Variants in ROBO2 observed in about 807,000 individuals in gnomAD.
The protein encoded by ROBO2 is roundabout homolog 2.
A neutral mutation model predicts 160.8 loss-of-function variants in ROBO2; 53 were observed. The observed-to-expected ratio is 0.33, with a 90% CI of 0.26 to 0.41. ROBO2 has a LOEUF of 0.41. ROBO2 is among the 10% of genes least tolerant of loss of function. ROBO2 has a pLI of 1.00. For missense variants in ROBO2, 1,577 were observed against 1,722.4 expected (o/e 0.92, Z 1.49); for synonymous variants, 664 against 611.7 (o/e 1.09, Z -1.26).
chr3:76,172,878 A>C (rs2073095310), intron 2 of ROBO2, among the ~76,000 whole-genome samples: 1 of 152,146 alleles, frequency 6.6e-6, no homozygotes, highest in Admixed American at 6.6e-5. Flanking sequence ...GACCACCTGA[A>C]TTAATGTGCA....
intron 2 of ROBO2, among the ~76,000 whole-genome samples, chr3:76,591,006 G>A (rs1327025288): frequency 1.3e-5 from 2 of 151,998 alleles, no homozygotes; most frequent in African/African-American, 4.8e-5. Flanking sequence ...TTTATTTTAA[G>A]TAACATGAGG....
At chr3:76,501,695 A>G (rs1403098798) in intron 2 of ROBO2, among the ~76,000 whole-genome samples, 2 of 152,178 alleles carry the variant, frequency 1.3e-5, no homozygotes, top group African/African-American at 4.8e-5. Context: ...CCTACACTGT[A>G]TTTTCTCTTA....
At chr3:76,937,085 G>T (rs2077752949) in intron 2 of ROBO2, among the ~76,000 whole-genome samples, 1 of 152,068 alleles carries the variant, frequency 6.6e-6, no homozygotes, top group Non-Finnish European at 1.5e-5. Flanking sequence ...TTTCTTGCTT[G>T]TACTTAGTAA....
intron 2 of ROBO2, among the ~76,000 whole-genome samples, chr3:77,429,151 C>A (rs896175848): frequency 2.0e-5 from 3 of 152,132 alleles, no homozygotes; most frequent in African/African-American, 7.2e-5. Context: ...TATTTATATC[C>A]AAAGTGTGCA....
At chr3:76,797,800 C>CA (rs548366591) in intron 2 of ROBO2, among the ~76,000 whole-genome samples, 15 of 150,978 alleles carry the variant, frequency 9.9e-5, no homozygotes, top group Non-Finnish European at 1.6e-4. Flanking sequence ...AACTATATGG[C>CA]AAAAAAAATT....
intron 5 of ROBO2, among the ~76,000 whole-genome samples, chr3:77,506,987 A>G (rs2088631688): frequency 6.6e-6 from 1 of 152,138 alleles, no homozygotes; most frequent in Admixed American, 6.6e-5. Context: ...AGATGAATGT[A>G]TATTTTTGCA....
chr3:76,290,728 G>A (rs1273209608), intron 2 of ROBO2, among the ~76,000 whole-genome samples: 3 of 152,080 alleles, frequency 2.0e-5, no homozygotes, highest in Admixed American at 6.6e-5. Context: ...TTTTTAAAAT[G>A]AAGGGATGCT....
intron 2 of ROBO2, among the ~76,000 whole-genome samples, chr3:77,425,373 TA>T: frequency 6.6e-6 from 1 of 152,222 alleles, no homozygotes; most frequent in East Asian, 1.9e-4. Flanking sequence ...TGAGTAAAAT[TA>T]AAAGAAAAAA....
intron 6 of ROBO2, among the ~76,000 whole-genome samples, chr3:77,537,099 T>TTG (rs1553650177): frequency 4.7e-5 from 6 of 127,778 alleles, no homozygotes; most frequent in East Asian, 4.8e-4. Flanking sequence ...ACATATTTTG[T>TTG]GGGGGGGGGG....
At chr3:76,506,092 G>T (rs955065737) in intron 2 of ROBO2, among the ~76,000 whole-genome samples, 5 of 152,104 alleles carry the variant, frequency 3.3e-5, no homozygotes, top group Non-Finnish European at 5.9e-5. Context: ...CCCTGAAACA[G>T]CTCTGCCAGC....
intron 2 of ROBO2, among the ~76,000 whole-genome samples, chr3:76,556,385 A>T (rs912842248): frequency 1.3e-5 from 2 of 152,172 alleles, no homozygotes; most frequent in African/African-American, 4.8e-5. Context: ...TACTCAATCA[A>T]AGTAAAAATA....
At chr3:76,056,809 T>G (rs937423349) in intron 2 of ROBO2, among the ~76,000 whole-genome samples, 1 of 152,192 alleles carries the variant, frequency 6.6e-6, no homozygotes, top group African/African-American at 2.4e-5. Context: ...CAAATTGGTT[T>G]GCTAAAGTCT....
chr3:76,639,169 T>C lies in ROBO2; in HGVS notation c.110-458845T>C, dbSNP rs1259734730. ...CTATACATATGTGCATGTATACATA[T>C]GTGTATATATGTATACATGTGTATA... On this transcript the variant is annotated intron_variant, in intron 2 of 26. Transcript: ENST00000487694. Among the ~76,000 whole-genome samples the C allele has an allele frequency of 2.0e-5, 3 of 152,110 alleles. No individual in the cohort carries two copies. The South Asian group carries it at 6.2e-4, about 31-fold the overall frequency.
At chr3:76,115,976 A>G (rs1419284791) in intron 2 of ROBO2, among the ~76,000 whole-genome samples, 2 of 152,174 alleles carry the variant, frequency 1.3e-5, no homozygotes, top group Non-Finnish European at 2.9e-5. Flanking sequence ...TTTAAAGATC[A>G]TGTATGTCTA....
intron 2 of ROBO2, among the ~76,000 whole-genome samples, chr3:76,769,768 G>A (rs1485925770): frequency 6.6e-6 from 1 of 151,294 alleles, no homozygotes; most frequent in African/African-American, 2.4e-5. Context: ...CAGACAGGTA[G>A]GTAAATTATT....
At chr3:75,998,460 T>A (rs1373483223) in intron 2 of ROBO2, among the ~76,000 whole-genome samples, 2 of 152,136 alleles carry the variant, frequency 1.3e-5, no homozygotes, top group African/African-American at 2.4e-5. Context: ...ACACTTACTG[T>A]GCTAATGGTT....
At chr3:76,434,309 G>T (rs1369196283) in intron 2 of ROBO2, 10 of 1,094,748 alleles carry the variant, frequency 9.1e-6, no homozygotes, top group Non-Finnish European at 1.4e-5. Context: ...TTTCCAATTT[G>T]TTGGCACCCA....
intron 2 of ROBO2, among the ~76,000 whole-genome samples, chr3:76,942,975 C>T (rs912513645): frequency 2.0e-5 from 3 of 152,114 alleles, no homozygotes; most frequent in South Asian, 4.1e-4. Context: ...AAGATTTATG[C>T]GTTTATTATT....
At chr3:76,631,558 A>G (rs140559955) in intron 2 of ROBO2, among the ~76,000 whole-genome samples, 128 of 152,224 alleles carry the variant, frequency 8.4e-4, no homozygotes, top group African/African-American at 2.8e-3. Context: ...AAAGCAGAAA[A>G]TATGCCTTCA....
Sources: gnomAD v4.1 joint callset for allele counts (sites outside exome capture counted in the v4.1 genomes callset) on GRCh38, gnomAD v4.1.1 for gene constraint, MANE v1.5 for transcripts, NCBI Gene and HGNC (gene_info 2026-07-23, HGNC 2026-07-21) for gene names.